The following GRIK2 variants were observed in gnomAD, a reference collection of about 807,000 sequenced individuals.
GRIK2 encodes the protein glutamate ionotropic receptor kainate type subunit 2.
Under a neutral mutation model 100.3 loss-of-function variants are expected in GRIK2, and 32 were observed. The observed-to-expected ratio is 0.32, with a 90% CI of 0.24 to 0.43. GRIK2 has a LOEUF of 0.43. GRIK2 is among the 20% of genes least tolerant of loss of function. GRIK2 has a pLI of 1.00. For missense variants in GRIK2, 843 were observed against 1,114.9 expected, an observed-to-expected ratio of 0.76 and a Z score of 3.47; for synonymous variants, 417 against 389.4, an observed-to-expected ratio of 1.07 and a Z score of -0.83.
At chr6:101,426,586 T>A (rs1179619284) in intron 2 of GRIK2, among the ~76,000 whole-genome samples, 1 of 152,130 alleles carries the variant, frequency 6.6e-6, no homozygotes, top group Non-Finnish European at 1.5e-5. Flanking sequence ...TACAAAAATA[T>A]TAGTAGTATC....
chr6:101,548,504 G>A (rs937202127), intron 2 of GRIK2, among the ~76,000 whole-genome samples: 1 of 152,282 alleles, frequency 6.6e-6, no homozygotes, highest in East Asian at 1.9e-4. Flanking sequence ...TGTATAAGGT[G>A]TAAGGAAGGG....
chr6:101,841,617 G>A (rs904178966), intron 10 of GRIK2, among the ~76,000 whole-genome samples: 16 of 152,100 alleles, frequency 1.1e-4, no homozygotes, highest in African/African-American at 3.9e-4. Context: ...ACCTGCCTGA[G>A]CCTCCCAAAG....
In GRIK2 at chr6:101,631,665, T is replaced by C. The variant is rs527406341; in HGVS notation, c.541+5028T>C. Among the ~76,000 whole-genome samples, 13 of 152,248 alleles carry C rather than the reference T, an allele frequency of 8.5e-5. 1 individual carries two copies. The South Asian group carries it at 2.7e-3, about 32-fold the overall frequency. On this transcript the variant is annotated intron_variant, in intron 4 of 16. Transcript: ENST00000369134. ...ATGAACATCTTCCTTGATTCTTTTC[T>C]TTTTTTGGCTCGACAACAATCGGTT...
Position 101,997,958 on chromosome 6 carries a change from T to C in GRIK2, c.2086-37383T>C, listed in dbSNP as rs551656343. Among the ~76,000 whole-genome samples the C allele has an allele frequency of 2.0e-4, 31 of 152,134 alleles. 1 individual carries two copies. The highest frequency in any genetic ancestry group is 4.1e-4 in the Non-Finnish European group (28 of 68,014). On this transcript the variant is annotated intron_variant, in intron 14 of 16. Coordinates refer to ENST00000369134, the MANE Select transcript of GRIK2 (RefSeq NM_021956.5). Reference sequence around the variant, plus strand: ...CAGATTTATTGAGATAAAGTTGACATACAATAAACTTCACAAGTTTAAAAT... The same window carrying C: ...CAGATTTATTGAGATAAAGTTGACACACAATAAACTTCACAAGTTTAAAAT...
chr6:101,777,477 A>G (rs570410233), intron 7 of GRIK2, among the ~76,000 whole-genome samples: 55 of 152,298 alleles, frequency 3.6e-4, no homozygotes, highest in African/African-American at 1.1e-3. Context: ...AAGAACTAAC[A>G]TTTGTATTTT....
At chr6:101,829,622 C>A (rs1418341834) in intron 10 of GRIK2, among the ~76,000 whole-genome samples, 3 of 151,812 alleles carry the variant, frequency 2.0e-5, no homozygotes, top group Non-Finnish European at 4.4e-5. Flanking sequence ...AGACCCAAAT[C>A]AAGAATGCAA....
intron 14 of GRIK2, among the ~76,000 whole-genome samples, chr6:102,016,483 A>G (rs1385611056): frequency 1.3e-5 from 2 of 151,932 alleles, no homozygotes; most frequent in Non-Finnish European, 2.9e-5. Flanking sequence ...TACATATGTA[A>G]CTAACCTGCA....
At chr6:101,618,388 C>T (rs1779996645) in intron 2 of GRIK2, among the ~76,000 whole-genome samples, 1 of 151,590 alleles carries the variant, frequency 6.6e-6, no homozygotes, top group African/African-American at 2.4e-5. Flanking sequence ...TCCTAGAATT[C>T]AAAATGCATT....
chr6:101,621,439 G>A (rs1032899373), intron 2 of GRIK2, among the ~76,000 whole-genome samples: 1 of 152,064 alleles, frequency 6.6e-6, no homozygotes, highest in Non-Finnish European at 1.5e-5. Context: ...GGGCAAGTGA[G>A]TGACTGTCTT....
Position 101,812,711 on chromosome 6 carries a change from A to G in GRIK2, c.1204-5659A>G, listed in dbSNP as rs1781410124. On this transcript the variant is annotated intron_variant, in intron 9 of 16. Coordinates refer to ENST00000369134, the MANE Select transcript of GRIK2 (RefSeq NM_021956.5). ...TAATATGATACTTATTGTAGTAAGT[A>G]AAAGCATAACTAAATTGCTGTGTAT... 1.3e-5 allele frequency among the ~76,000 whole-genome samples: 2 copies of G among 152,078 alleles called. 1 individual carries two copies. Among genetic ancestry groups the G allele is most frequent in the South Asian group, 4.1e-4 (2 of 4,832 alleles).
At chr6:101,674,815 C>T (rs370220671) in intron 4 of GRIK2, among the ~76,000 whole-genome samples, 40 of 152,234 alleles carry the variant, frequency 2.6e-4, no homozygotes, top group African/African-American at 9.6e-4. Flanking sequence ...GTATAACTTA[C>T]AGTGAAGCAA....
intron 2 of GRIK2, among the ~76,000 whole-genome samples, chr6:101,495,000 T>A (rs1047252812): frequency 7.0e-6 from 1 of 142,284 alleles, no homozygotes; most frequent in Non-Finnish European, 1.5e-5. Context: ...TATATATATA[T>A]GAAGGAAAAT....
chr6:101,866,422 G>A (rs1200312593), intron 11 of GRIK2, among the ~76,000 whole-genome samples: 1 of 152,034 alleles, frequency 6.6e-6, no homozygotes, highest in African/African-American at 2.4e-5. Flanking sequence ...AACATCTCAT[G>A]TACCCCATAA....
In GRIK2 at chr6:101,476,946, G is replaced by A. The variant is rs78955738; in HGVS notation, c.115+77554G>A. On this transcript the variant is annotated intron_variant, in intron 2 of 16. Coordinates refer to ENST00000369134, the MANE Select transcript of GRIK2 (RefSeq NM_021956.5). ...AAGAACCTATACTATTAAAATATTCGAGTCTTAAGCAATGGTTTACCATAC... is the reference window on the plus strand; with the variant it reads ...AAGAACCTATACTATTAAAATATTCAAGTCTTAAGCAATGGTTTACCATAC... 7.2e-3 allele frequency among the ~76,000 whole-genome samples: 1,090 copies of A among 152,182 alleles called. 13 individuals are homozygous for A. The highest frequency in any genetic ancestry group is 0.025 in the African/African-American group (1,023 of 41,516).
intron 12 of GRIK2, among the ~76,000 whole-genome samples, chr6:101,902,389 G>A (rs1413062734): frequency 2.0e-5 from 3 of 151,940 alleles, no homozygotes; most frequent in Non-Finnish European, 4.4e-5. Flanking sequence ...TAATGACAAG[G>A]TTGTAGAGCC....
chr6:101,458,379 T>G (rs1342932541), intron 2 of GRIK2, among the ~76,000 whole-genome samples: 1 of 152,210 alleles, frequency 6.6e-6, no homozygotes, highest in Non-Finnish European at 1.5e-5. Context: ...TTCTTTTAAT[T>G]TAGTGCTCCA....
intron 14 of GRIK2, among the ~76,000 whole-genome samples, chr6:101,983,505 T>C (rs1377835928): frequency 6.6e-6 from 1 of 151,824 alleles, no homozygotes; most frequent in Non-Finnish European, 1.5e-5. Context: ...AGAGTTTTTC[T>C]CTATTTTACA....
intron 7 of GRIK2, among the ~76,000 whole-genome samples, chr6:101,726,706 T>G (rs917339188): frequency 6.6e-6 from 1 of 152,048 alleles, no homozygotes; most frequent in Non-Finnish European, 1.5e-5. Flanking sequence ...GTATGTATTT[T>G]TAGCATTTTA....
chr6:101,884,700 A>T (rs1786494855), intron 11 of GRIK2, among the ~76,000 whole-genome samples: 1 of 152,290 alleles, frequency 6.6e-6, no homozygotes, highest in South Asian at 2.1e-4. Context: ...TGTACAAATA[A>T]ATTTTATTTC....
Sources: gnomAD v4.1 joint callset for allele counts (sites outside exome capture counted in the v4.1 genomes callset) on GRCh38, gnomAD v4.1.1 for gene constraint, MANE v1.5 for transcripts, NCBI Gene and HGNC (gene_info 2026-07-23, HGNC 2026-07-21) for gene names.